ACACA: variants seen among roughly 807,000 people sequenced by gnomAD.
The protein encoded by ACACA is acetyl-CoA carboxylase 1.
ACACA carries 103 observed loss-of-function variants against 296.1 expected under a neutral mutation model. The ratio of observed to expected loss-of-function variants is 0.35; its 90% CI spans 0.30 to 0.41. ACACA has a LOEUF of 0.41. Ranked by LOEUF, ACACA falls within the 10% of genes least tolerant of loss-of-function variation. The pLI is 1.00. For missense variants in ACACA, 1,554 were observed against 2,989.7 expected (o/e 0.52, Z 11.20); for synonymous variants, 953 against 1,038.6 (o/e 0.92, Z 1.58).
intron 39 of ACACA, among the ~76,000 whole-genome samples, chr17:37,185,402 CTTTTT>C (rs67821579): frequency 0.014 from 656 of 48,402 alleles, 3 homozygotes; most frequent in Middle Eastern, 0.064. Context: ...CTGGCTATTT[CTTTTT>C]TTTTTTTTTT....
rs529097470 is a variant in ACACA, at chr17:37,397,844, A to C, written c.38+8418T>G. 3.9e-5 allele frequency among the ~76,000 whole-genome samples: 6 copies of C among 152,262 alleles called. No individual in the cohort carries two copies. The East Asian group carries it at 1.2e-3, about 29-fold the overall frequency. On this transcript the variant is annotated intron_variant, in intron 1 of 55. Transcript: ENST00000616317. Reference sequence around the variant, plus strand: ...GGTGCACCTTGGACCGTAATTGAGGAACTTTCACTGGACTCTTGTGAATTT... The same window carrying C: ...GGTGCACCTTGGACCGTAATTGAGGCACTTTCACTGGACTCTTGTGAATTT...
At chr17:37,181,161 C>T (rs751143636) in intron 40 of ACACA, 40 bp downstream of exon 40, 1 of 1,612,150 alleles carries the variant, frequency 6.2e-7, no homozygotes, top group Non-Finnish European at 8.5e-7. Flanking sequence ...GAAACCTTGC[C>T]TCCTTAGAAC....
chr17:37,098,122 T>C, intron 52 of ACACA, 138 bp from the exon 53 acceptor site: 1 of 1,065,680 alleles, frequency 9.4e-7, no homozygotes, highest in South Asian at 1.3e-5. Flanking sequence ...TTGTCTTCTC[T>C]GCTCTTTGCT....
intron 40 of ACACA, among the ~76,000 whole-genome samples, chr17:37,180,609 T>C (rs2077282409): frequency 6.6e-6 from 1 of 152,172 alleles, no homozygotes; most frequent in African/African-American, 2.4e-5. Flanking sequence ...TAGAGATGAT[T>C]CACCATACAG....
chr17:37,274,539 T>C (rs547100468), intron 8 of ACACA: 2 of 887,734 alleles, frequency 2.3e-6, no homozygotes, highest in South Asian at 1.0e-4. Flanking sequence ...GAGCAACTTA[T>C]AAAAATGCAA....
At chr17:37,401,127 T>G (rs1009514292) in intron 1 of ACACA, among the ~76,000 whole-genome samples, 1 of 152,140 alleles carries the variant, frequency 6.6e-6, no homozygotes, top group South Asian at 2.1e-4. Flanking sequence ...ATTTCCCTGA[T>G]GATTAGTGAT....
chr17:37,336,129 C>T (rs754837782), intron 2 of ACACA, among the ~76,000 whole-genome samples: 2 of 152,064 alleles, frequency 1.3e-5, no homozygotes, highest in African/African-American at 2.4e-5. Flanking sequence ...AACTACAAAT[C>T]GTTCTTCAAA....
At position 37,220,883 on chromosome 17, in the gene ACACA, T is replaced by C. The variant is rs149011714; in HGVS notation, c.3683+841A>G. On this transcript the variant is annotated intron_variant, in intron 29 of 55. Coordinates refer to ENST00000616317, the MANE Select transcript of ACACA (RefSeq NM_198834.3). ...TAAGGTTCCCAAAAGACACAGTACT[T>C]TGTAATACCAAGTGAAGAACCAAAG... Among the ~76,000 whole-genome samples the C allele has an allele frequency of 2.1e-3, 323 of 152,254 alleles. 3 individuals carry two copies. The highest frequency in any genetic ancestry group is 7.1e-3 in the African/African-American group (293 of 41,542).
rs372095678 is a variant in ACACA at position 37,129,330 on chromosome 17, G to A, written c.5944+35C>T. On this transcript the variant is annotated intron_variant, in intron 47 of 55. Coordinates refer to ENST00000616317, the MANE Select transcript of ACACA (RefSeq NM_198834.3). ...TGAAAAGAACGCTAAAAGCTTAAGA[G>A]CCAGGTACCATGGGGTCCTCAAACA... 5.6e-6 allele frequency: 9 copies of A among 1,613,552 alleles called. No individual in the cohort carries two copies. In the African/African-American group the frequency reaches 1.2e-4, roughly 22 times the overall value.
chr17:37,252,205 C>T lies in ACACA; in HGVS notation c.1978-97G>A. 8 of 949,316 alleles carry T rather than the reference C, an allele frequency of 8.4e-6. No homozygotes were observed. The South Asian group carries it at 9.3e-5, about 11-fold the overall frequency. 58.8% of individuals were successfully genotyped at this position (949,316 alleles called of 1,614,324 possible). On this transcript the variant is annotated intron_variant, in intron 15 of 55. Coordinates refer to ENST00000616317, the MANE Select transcript of ACACA (RefSeq NM_198834.3). The stretch of plus-strand genomic sequence containing the variant: ...GCTCAAATTTGTTGTGATGAAACAG[C>T]TAGCAATGAAAATCTCCATTCTCAC...
rs1203212735 is a variant in ACACA, at chr17:37,205,797, C to T, written c.4024G>A (p.Ala1342Thr). 2.5e-6 allele frequency: 4 copies of T among 1,613,726 alleles called. No individual in the cohort carries two copies. The highest frequency in any genetic ancestry group is 1.3e-5 in the African/African-American group (1 of 75,034). ...TDCDIEDDRL[A>T]AMFREFTQQN... ...TGGGTAAATTCTCTGAACATAGCTGCCAGCCTGTCATCCTCAATATCACAG... is the reference window on the plus strand; with the variant it reads ...TGGGTAAATTCTCTGAACATAGCTGTCAGCCTGTCATCCTCAATATCACAG... The change falls in exon 33 of 56, where the codon GCA (alanine) becomes ACA (threonine). Residue 1342 changes from alanine to threonine, a missense_variant. Around this residue, in one of 16 missense-constraint regions of ACACA, gnomAD observed 179 missense variants for 283.2 expected, o/e 0.63. Transcript: ENST00000616317.
chr17:37,379,049 G>A, intron 1 of ACACA: 2 of 1,437,496 alleles, frequency 1.4e-6, no homozygotes, highest in Non-Finnish European at 1.9e-6. Context: ...TCCAGCTTGG[G>A]TGACAGAGCA....
intron 1 of ACACA, among the ~76,000 whole-genome samples, chr17:37,397,277 A>T (rs1179022912): frequency 6.6e-6 from 1 of 151,852 alleles, no homozygotes; most frequent in Non-Finnish European, 1.5e-5. Context: ...TTCTTAATCC[A>T]GTCAATTACT....
chr17:37,197,513 C>G (rs2078056872), intron 35 of ACACA, among the ~76,000 whole-genome samples: 1 of 152,164 alleles, frequency 6.6e-6, no homozygotes, highest in African/African-American at 2.4e-5. Flanking sequence ...GGATTCATCT[C>G]TGACACTCCC....
chr17:37,141,695 GT>G (rs974025871), intron 45 of ACACA, among the ~76,000 whole-genome samples: 7 of 148,330 alleles, frequency 4.7e-5, no homozygotes, highest in Non-Finnish European at 4.5e-5. Context: ...AAAGTTTTTT[GT>G]TTTTTTTTTT....
chr17:37,374,723 G>C (rs758594130), intron 1 of ACACA, among the ~76,000 whole-genome samples: 3 of 152,130 alleles, frequency 2.0e-5, no homozygotes, highest in African/African-American at 2.4e-5. Flanking sequence ...CCAAGCCACA[G>C]ACAGTACCAC....
Position 37,252,875 on chromosome 17 carries a change from GAAAT to G in ACACA, c.1977+7_1977+10del. ...CCCAATCCCAGCATCTGTTTGTGGA[GAAAT>G]ACACACCTGTACTTTTTCTGCTATC... On this transcript the variant is annotated splice_region_variant and intron_variant, in intron 15 of 55. Transcript: ENST00000616317. 6.2e-7 allele frequency: 1 copy of G among 1,614,068 alleles called. No individual in the cohort carries two copies. The highest frequency in any genetic ancestry group is 8.5e-7 in the Non-Finnish European group (1 of 1,180,020).
intron 39 of ACACA, among the ~76,000 whole-genome samples, chr17:37,185,934 A>G (rs1278701525): frequency 1.3e-5 from 2 of 152,172 alleles, no homozygotes; most frequent in African/African-American, 4.8e-5. Context: ...GGATTACCCA[A>G]ATCTCTTCTC....
At chr17:37,376,171 A>G in intron 1 of ACACA, 1 of 1,593,124 alleles carries the variant, frequency 6.3e-7, no homozygotes, top group East Asian at 2.2e-5. Context: ...CTCTAGCCTA[A>G]TCTCCTGGAA....
Sources: allele counts gnomAD v4.1 joint callset (sites outside exome capture counted in the v4.1 genomes callset), GRCh38; gene constraint gnomAD v4.1.1; regional missense constraint gnomAD v4.1.1; transcripts MANE v1.5; gene names NCBI Gene and HGNC (gene_info 2026-07-23, HGNC 2026-07-21).